ZFR2: variants seen among roughly 807,000 people sequenced by gnomAD.
ZFR2 encodes zinc finger RNA binding protein 2, also known as zinc finger RNA-binding protein 2.
In ZFR2, 104 loss-of-function variants were observed where a neutral mutation model predicts 105.7. That is an observed-to-expected ratio of 0.98 (90% CI 0.84 to 1.16). ZFR2 has a LOEUF of 1.16. Among genes scored for constraint, ZFR2 ranks in the 50% most tolerant of loss-of-function variants. The probability of loss-of-function intolerance (pLI) is 0.00; values close to 1 mark genes in which losing one functional copy is unlikely to be tolerated. For missense variants in ZFR2, 1,425 were observed against 1,355.5 expected, an observed-to-expected ratio of 1.05 and a Z score of -0.80; for synonymous variants, 634 against 597.7, an observed-to-expected ratio of 1.06 and a Z score of -0.89.
chr19:3,805,854 T>C lies in ZFR2; in HGVS notation c.*95A>G. 7.5e-7 allele frequency: 1 copy of C among 1,340,726 alleles called. No homozygotes were observed. Among genetic ancestry groups the C allele is most frequent in the Non-Finnish European group, 9.8e-7 (1 of 1,021,894 alleles). 83.1% of individuals were successfully genotyped at this position (1,340,726 alleles called of 1,614,324 possible). A position where few individuals can be genotyped will look rare whatever the true frequency, so the allele number is the denominator to read the frequency against. Reference sequence around the variant, plus strand: ...AGCGTTACTCAAAAGGAAATGACCATTGTCCAACGTCGGGGATGAAGCAGC... The same window carrying C: ...AGCGTTACTCAAAAGGAAATGACCACTGTCCAACGTCGGGGATGAAGCAGC... On this transcript the variant is annotated 3_prime_UTR_variant, in exon 19 of 19. Transcript: ENST00000262961.
At chr19:3,822,772 G>T (rs968169648) in intron 8 of ZFR2, among the ~76,000 whole-genome samples, 1 of 152,152 alleles carries the variant, frequency 6.6e-6, no homozygotes, top group African/African-American at 2.4e-5. Flanking sequence ...TGCCTCTTTG[G>T]CACGCACAAG....
rs200233207 is a variant in ZFR2, at chr19:3,820,754, GGAACACCAGGGGACAGA to G, written c.1632-481_1632-465del. On this transcript the variant is annotated intron_variant, in intron 10 of 18. Transcript: ENST00000262961. ...GGGTCATCAGGGGTCAGGAGACACA[GGAACACCAGGGGACAGA>G]GGGACACCAGGGGTCAGGGGGACTC... Among the ~76,000 whole-genome samples, 62 of 150,782 alleles carry G rather than the reference GGAACACCAGGGGACAGA, an allele frequency of 4.1e-4. No individual in the cohort carries two copies. In the East Asian group the frequency reaches 6.2e-3, roughly 15 times the overall value.
At chr19:3,854,123 G>A (rs1599253103) in intron 1 of ZFR2, among the ~76,000 whole-genome samples, 1 of 149,094 alleles carries the variant, frequency 6.7e-6, no homozygotes, top group South Asian at 2.1e-4. Flanking sequence ...GGGCACAGTG[G>A]CCTACGCCTG....
chr19:3,828,656 G>A (rs887080437), intron 5 of ZFR2, among the ~76,000 whole-genome samples: 20 of 152,184 alleles, frequency 1.3e-4, no homozygotes, highest in Non-Finnish European at 2.1e-4. Flanking sequence ...CTGGGGAAGC[G>A]ACAGCCAAGC....
chr19:3,830,469 G>A (rs2037999857), intron 5 of ZFR2, among the ~76,000 whole-genome samples: 1 of 152,098 alleles, frequency 6.6e-6, no homozygotes, highest in Non-Finnish European at 1.5e-5. Context: ...CGAGCACTCT[G>A]CAAAGAAGGC....
At chr19:3,814,894 C>A (rs890170315) in intron 13 of ZFR2, among the ~76,000 whole-genome samples, 1 of 152,134 alleles carries the variant, frequency 6.6e-6, no homozygotes. Context: ...CCTCCTTGCT[C>A]TGGGCCTCCT....
chr19:3,839,879 T>C (rs1430843140), intron 1 of ZFR2, among the ~76,000 whole-genome samples: 1 of 152,174 alleles, frequency 6.6e-6, no homozygotes, highest in Non-Finnish European at 1.5e-5. Flanking sequence ...GAGACGGGGC[T>C]CGCTTTGTTG....
At position 3,822,061 on chromosome 19, in the gene ZFR2, G is replaced by GCTCCC. The variant is rs763431228; in HGVS notation, c.1491+15_1491+19dup. On this transcript the variant is annotated intron_variant, in intron 9 of 18. Transcript: ENST00000262961. ...TAGCACAGCCCGGACGGGTGTCGGA[G>GCTCCC]CTCCCCCTGCTGGACGCACCCGGTA... The GCTCCC allele has an allele frequency of 6.3e-7, 1 of 1,579,868 alleles. No homozygotes were observed. Among genetic ancestry groups the GCTCCC allele is most frequent in the Non-Finnish European group, 8.6e-7 (1 of 1,164,674 alleles).
rs1342560578 is a variant in ZFR2, at chr19:3,805,831, C to T, written c.*118G>A. The T allele has an allele frequency of 1.3e-5, 16 of 1,202,686 alleles. No individual in the cohort carries two copies. Among genetic ancestry groups the T allele is most frequent in the South Asian group, 1.6e-5 (1 of 61,358 alleles). The allele number at this position is 1,202,686 out of a possible 1,614,324, so 74.5% of individuals were successfully genotyped here. ...GGTGTTTTAAAGGAAACCTACAGAG[C>T]GTTACTCAAAAGGAAATGACCATTG... is the stretch of plus-strand genomic sequence containing the variant. On this transcript the variant is annotated 3_prime_UTR_variant, in exon 19 of 19. Transcript: ENST00000262961.
At chr19:3,857,300 A>T (rs1382115423) in intron 1 of ZFR2, among the ~76,000 whole-genome samples, 1 of 152,048 alleles carries the variant, frequency 6.6e-6, no homozygotes, top group East Asian at 1.9e-4. Context: ...TAAAGCAAGC[A>T]AAAAGCTCAC....
At chr19:3,830,259 G>A (rs977271882) in intron 5 of ZFR2, among the ~76,000 whole-genome samples, 1 of 152,108 alleles carries the variant, frequency 6.6e-6, no homozygotes, top group Non-Finnish European at 1.5e-5. Context: ...GGGCGACATA[G>A]TGAGACCCCA....
Position 3,819,135 on chromosome 19 carries a change from A to C in ZFR2, c.1841T>G (p.Val614Gly). 6.2e-7 allele frequency: 1 copy of C among 1,610,418 alleles called. No homozygotes were observed. The highest frequency in any genetic ancestry group is 8.5e-7 in the Non-Finnish European group (1 of 1,179,470). ...CTTGAGGGCCCGCTCTGCGTGGGACACGGCCCTCTGCACGGCCAGGAGCTC... is the reference window on the plus strand; with the variant it reads ...CTTGAGGGCCCGCTCTGCGTGGGACCCGGCCCTCTGCACGGCCAGGAGCTC... ...EQELLAVQRA[V>G]SHAERALKLV... Residue 614 changes from valine (V) to glycine (G), a missense_variant, in exon 12 of 19, where the codon GTG (valine) becomes GGG (glycine). Coordinates refer to ENST00000262961, the MANE Select transcript of ZFR2 (RefSeq NM_015174.2).
chr19:3,825,225 C>T lies in ZFR2; in HGVS notation c.1213+5G>A, dbSNP rs772359985. Reference sequence around the variant, plus strand: ...GTACACGAACACGCATACAGACACACGTACCCTCGCATAAGGCCTTCGAGG... The same window carrying T: ...GTACACGAACACGCATACAGACACATGTACCCTCGCATAAGGCCTTCGAGG... On this transcript the variant is annotated splice_donor_5th_base_variant and intron_variant, in intron 7 of 18. Transcript: ENST00000262961. 9.2e-6 allele frequency: 14 copies of T among 1,526,070 alleles called. No individual in the cohort carries two copies. The highest frequency in any genetic ancestry group is 2.5e-5 in the East Asian group (1 of 40,604). The allele number at this position is 1,526,070 out of a possible 1,614,324, so 94.5% of individuals were successfully genotyped here. A position where few individuals can be genotyped will look rare whatever the true frequency, so the allele number is the denominator to read the frequency against.
intron 5 of ZFR2, 30 bp from the exon 6 acceptor site, chr19:3,827,683 C>T (rs556314982): frequency 8.6e-5 from 134 of 1,560,282 alleles, no homozygotes; most frequent in African/African-American, 3.1e-4. Context: ...GCAGCCTGGG[C>T]GGGGGTTTGC....
chr19:3,810,249 G>A (rs1021430960), intron 16 of ZFR2, among the ~76,000 whole-genome samples: 28 of 152,352 alleles, frequency 1.8e-4, no homozygotes, highest in African/African-American at 6.0e-4. Flanking sequence ...CGGGGTCTCC[G>A]TGGGGAGCGT....
intron 1 of ZFR2, among the ~76,000 whole-genome samples, chr19:3,866,050 C>CTCGA (rs2038423722): frequency 6.6e-6 from 1 of 152,132 alleles, no homozygotes; most frequent in Non-Finnish European, 1.5e-5. Flanking sequence ...CCATGTTGGC[C>CTCGA]AGGCTGGTCT....
At chr19:3,864,035 G>A (rs1274381888) in intron 1 of ZFR2, among the ~76,000 whole-genome samples, 3 of 152,102 alleles carry the variant, frequency 2.0e-5, no homozygotes, top group Admixed American at 6.6e-5. Flanking sequence ...TTCCAACCCC[G>A]CCTCCCACTT....
chr19:3,818,964 G>T, intron 12 of ZFR2, 81 bp downstream of exon 12: 1 of 1,506,344 alleles, frequency 6.6e-7, no homozygotes, highest in South Asian at 1.3e-5. Context: ...AGAGCTAGGG[G>T]TTCCTGCAGG....
chr19:3,829,455 T>A (rs1157418931), intron 5 of ZFR2, among the ~76,000 whole-genome samples: 1 of 138,704 alleles, frequency 7.2e-6, no homozygotes, highest in East Asian at 2.1e-4. Context: ...TAGGTAGGTT[T>A]GTGTGTGTGT....
Sources: gnomAD v4.1 joint callset for allele counts (sites outside exome capture counted in the v4.1 genomes callset) on GRCh38, gnomAD v4.1.1 for gene constraint, MANE v1.5 for transcripts, NCBI Gene and HGNC (gene_info 2026-07-23, HGNC 2026-07-21) for gene names.